The following PVT1 variants were observed in gnomAD, a reference collection of about 807,000 sequenced individuals.
PVT1 encodes the protein Pvt1 oncogene.
intron 4 of PVT1, among the ~76,000 whole-genome samples, chr8:128,050,449 T>G (rs1358822844): frequency 2.0e-5 from 3 of 152,248 alleles, no homozygotes; most frequent in African/African-American, 7.2e-5. Context: ...GAATAAAGAC[T>G]GAATGCCTCC....
chr8:128,041,638 G>A (rs1563673423), intron 4 of PVT1, among the ~76,000 whole-genome samples: 1 of 151,002 alleles, frequency 6.6e-6, no homozygotes, highest in Middle Eastern at 3.4e-3. Flanking sequence ...GTGTGCATGT[G>A]TGGTGAATGT....
At chr8:127,917,113 C>T (rs1815994686) in intron 3 of PVT1, among the ~76,000 whole-genome samples, 1 of 152,134 alleles carries the variant, frequency 6.6e-6, no homozygotes, top group Admixed American at 6.5e-5. Context: ...ATGACTGTGG[C>T]AGTCTAGAGT....
intron 2 of PVT1, among the ~76,000 whole-genome samples, chr8:127,875,051 C>T (rs77243699): frequency 6.6e-6 from 1 of 152,176 alleles, no homozygotes; most frequent in African/African-American, 2.4e-5. Flanking sequence ...AGTGGAGGAA[C>T]GTCCTCCACT....
At chr8:128,016,794 A>T (rs1473732738) in intron 4 of PVT1, among the ~76,000 whole-genome samples, 1 of 152,170 alleles carries the variant, frequency 6.6e-6, no homozygotes, top group Admixed American at 6.5e-5. Flanking sequence ...GGCTTTTCCT[A>T]ATCAGAGCTT....
chr8:127,914,483 G>A (rs147621584), intron 3 of PVT1, among the ~76,000 whole-genome samples: 15 of 152,172 alleles, frequency 9.9e-5, no homozygotes, highest in African/African-American at 2.9e-4. Flanking sequence ...GAGAGTTGAA[G>A]GCGTATGTCC....
chr8:128,029,380 A>G (rs1217230297), intron 4 of PVT1, among the ~76,000 whole-genome samples: 1 of 152,144 alleles, frequency 6.6e-6, no homozygotes, highest in East Asian at 1.9e-4. Context: ...TGCCTACCTC[A>G]TCCTCCCAAT....
At chr8:127,936,977 A>G (rs1365371) in intron 3 of PVT1, among the ~76,000 whole-genome samples, 100,733 of 152,078 alleles carry the variant, frequency 0.66, 33,793 homozygotes, top group Middle Eastern at 0.76. Context: ...AGAGTTTTAT[A>G]CAGGAAAGGA....
At chr8:127,966,926 C>A (rs1426106247) in intron 3 of PVT1, among the ~76,000 whole-genome samples, 2 of 152,126 alleles carry the variant, frequency 1.3e-5, no homozygotes, top group Non-Finnish European at 2.9e-5. Flanking sequence ...ACTCCATGCC[C>A]CCTGTCACGG....
chr8:127,965,567 A>C (rs1426391564), intron 3 of PVT1, among the ~76,000 whole-genome samples: 1 of 152,146 alleles, frequency 6.6e-6, no homozygotes, highest in African/African-American at 2.4e-5. Context: ...CCCCATTTAA[A>C]GCCAAATGGC....
chr8:128,041,677 G>A (rs574345427), intron 4 of PVT1, among the ~76,000 whole-genome samples: 6 of 151,204 alleles, frequency 4.0e-5, no homozygotes, highest in Non-Finnish European at 7.4e-5. Context: ...CGTGTTGTTC[G>A]TGTGTGTTTG....
At chr8:127,977,728 CTG>C (rs10617420) in intron 3 of PVT1, among the ~76,000 whole-genome samples, 60,406 of 151,864 alleles carry the variant, frequency 0.4, 12,517 homozygotes, top group East Asian at 0.59. Context: ...AAGCCAGACT[CTG>C]TGTCAAAAAA....
chr8:128,091,668 G>A (rs1814355222), intron 5 of PVT1, among the ~76,000 whole-genome samples: 1 of 152,080 alleles, frequency 6.6e-6, no homozygotes, highest in Non-Finnish European at 1.5e-5. Flanking sequence ...ACTCAGTGTG[G>A]GACAGAACAA....
intron 3 of PVT1, chr8:127,939,444 C>G (rs1816321679): frequency 6.6e-6 from 1 of 152,290 alleles, no homozygotes; most frequent in Admixed American, 6.5e-5. Context: ...CCTGGCAGTG[C>G]TGTGCTCTGT....
chr8:128,043,111 G>A (rs1813565501), intron 4 of PVT1, among the ~76,000 whole-genome samples: 1 of 152,282 alleles, frequency 6.6e-6, no homozygotes, highest in African/African-American at 2.4e-5. Context: ...ATGGGAGGGT[G>A]CCTTCCCTAA....
intron 4 of PVT1, among the ~76,000 whole-genome samples, chr8:127,997,810 A>G (rs62512840): frequency 0.027 from 4,179 of 152,350 alleles, 93 homozygotes; most frequent in Non-Finnish European, 0.043. Context: ...TACCTGGTCC[A>G]GGATCCCATC....
chr8:128,023,621 TTATG>T (rs1410832456), intron 4 of PVT1, among the ~76,000 whole-genome samples: 1 of 152,228 alleles, frequency 6.6e-6, no homozygotes, highest in Non-Finnish European at 1.5e-5. Context: ...TAAGGATAAA[TTATG>T]TAACTCTTTT....
chr8:127,956,876 C>G (rs923536248), intron 3 of PVT1, among the ~76,000 whole-genome samples: 1 of 152,204 alleles, frequency 6.6e-6, no homozygotes, highest in Non-Finnish European at 1.5e-5. Flanking sequence ...TTAGCAGAAG[C>G]TTGTTCTTAT....
chr8:127,874,400 G>T (rs1368065882), intron 2 of PVT1, among the ~76,000 whole-genome samples: 1 of 152,170 alleles, frequency 6.6e-6, no homozygotes, highest in Non-Finnish European at 1.5e-5. Context: ...GCCCAGAGGA[G>T]AATCAGTGAA....
intron 3 of PVT1, among the ~76,000 whole-genome samples, chr8:127,917,191 C>T (rs1815995744): frequency 6.6e-6 from 1 of 152,144 alleles, no homozygotes; most frequent in Admixed American, 6.5e-5. Context: ...GCGCTACCAT[C>T]TAATCCATCC....
Sources: allele counts gnomAD v4.1 joint callset (sites outside exome capture counted in the v4.1 genomes callset), GRCh38; gene constraint gnomAD v4.1.1; transcripts MANE v1.5; gene names NCBI Gene and HGNC (gene_info 2026-07-23, HGNC 2026-07-21).